Variants in C12orf42 observed in about 807,000 individuals in gnomAD.
The protein encoded by C12orf42 is chromosome 12 open reading frame 42.
C12orf42 carries 25 observed loss-of-function variants against 21.6 expected under a neutral mutation model. That is an observed-to-expected ratio of 1.16 (90% confidence interval 0.84 to 1.62). The LOEUF (loss-of-function observed/expected upper bound fraction) is 1.62. C12orf42 is among the 40% of genes most tolerant of loss of function. The probability of loss-of-function intolerance (pLI) is 0.00; values close to 1 mark genes in which losing one functional copy is unlikely to be tolerated. For synonymous variants in C12orf42, 174 were observed against 175.0 expected, an observed-to-expected ratio of 0.99 and a Z score of 0.05; for missense variants, 483 against 459.3, an observed-to-expected ratio of 1.05 and a Z score of -0.47.
chr12:103,078,911 T>A, the C12orf42 span, among the ~76,000 whole-genome samples: 1 of 152,190 alleles, frequency 6.6e-6, no homozygotes, highest in Non-Finnish European at 1.5e-5. Context: ...TACTGCACAC[T>A]AAACCACACC....
intron 4 of C12orf42, among the ~76,000 whole-genome samples, chr12:103,307,843 G>A (rs879018709): frequency 6.6e-6 from 1 of 152,130 alleles, no homozygotes; most frequent in East Asian, 1.9e-4. Flanking sequence ...TTTGGGGAGA[G>A]GGGTGCTGTG....
the C12orf42 span, among the ~76,000 whole-genome samples, chr12:103,153,700 T>A: frequency 6.6e-6 from 1 of 152,070 alleles, no homozygotes; most frequent in Non-Finnish European, 1.5e-5. Flanking sequence ...TCTAATACAC[T>A]AATGGCAGGA....
At chr12:103,325,908 A>G (rs2040639687) in intron 4 of C12orf42, among the ~76,000 whole-genome samples, 1 of 152,232 alleles carries the variant, frequency 6.6e-6, no homozygotes, top group Admixed American at 6.5e-5. Flanking sequence ...ATGGAGAATG[A>G]GCATCAGAGA....
At chr12:103,560,506 C>T in the C12orf42 span, among the ~76,000 whole-genome samples, 2 of 152,232 alleles carry the variant, frequency 1.3e-5, no homozygotes, top group Admixed American at 6.5e-5. Flanking sequence ...TCCCTGGATT[C>T]ACTTCAGAAC....
chr12:103,340,656 A>T (rs1324554239), intron 4 of C12orf42, among the ~76,000 whole-genome samples: 1 of 150,224 alleles, frequency 6.7e-6, no homozygotes, highest in Non-Finnish European at 1.5e-5. Flanking sequence ...ACATTAAAAC[A>T]GTTATAACTC....
chr12:103,393,505 C>T, intron 3 of C12orf42, among the ~76,000 whole-genome samples: 1 of 152,172 alleles, frequency 6.6e-6, no homozygotes, highest in East Asian at 1.9e-4. Context: ...GACATCCAAA[C>T]TATACTAGCT....
chr12:103,185,881 A>G, the C12orf42 span, among the ~76,000 whole-genome samples: 1,663 of 152,186 alleles, frequency 0.011, 27 homozygotes, highest in African/African-American at 0.037. Context: ...TTTTCTTTCC[A>G]GTTTCGGGTA....
chr12:103,099,887 T>A, the C12orf42 span, among the ~76,000 whole-genome samples: 8 of 152,206 alleles, frequency 5.3e-5, no homozygotes, highest in East Asian at 1.2e-3. Context: ...TAAGAGAACA[T>A]GCATCTCTTG....
intron 4 of C12orf42, among the ~76,000 whole-genome samples, chr12:103,280,235 A>C (rs773671961): frequency 2.6e-5 from 4 of 152,184 alleles, no homozygotes; most frequent in Non-Finnish European, 5.9e-5. Flanking sequence ...TATAGATTGT[A>C]GTAGTGGAGC....
chr12:103,286,824 C>A (rs1022937390), intron 4 of C12orf42, among the ~76,000 whole-genome samples: 15 of 151,870 alleles, frequency 9.9e-5, no homozygotes, highest in Non-Finnish European at 2.1e-4. Context: ...TGAAAGCACT[C>A]TAAACAGGAA....
At chr12:103,112,836 T>A in the C12orf42 span, among the ~76,000 whole-genome samples, 10 of 152,294 alleles carry the variant, frequency 6.6e-5, 1 homozygote, top group South Asian at 2.1e-3. Context: ...ATACTTCTCT[T>A]CTATTATCCC....
At chr12:103,115,516 T>C in the C12orf42 span, among the ~76,000 whole-genome samples, 9 of 152,182 alleles carry the variant, frequency 5.9e-5, no homozygotes. Flanking sequence ...ATGGAGAAGG[T>C]AGTAATTTAT....
chr12:103,454,459 A>G (rs1952155534), intron 2 of C12orf42, among the ~76,000 whole-genome samples: 1 of 152,050 alleles, frequency 6.6e-6, no homozygotes, highest in Non-Finnish European at 1.5e-5. Context: ...AAAGCATCCT[A>G]TTTCTCTTTT....
chr12:103,462,966 C>T (rs1213041139), intron 2 of C12orf42, among the ~76,000 whole-genome samples: 2 of 152,202 alleles, frequency 1.3e-5, no homozygotes, highest in African/African-American at 2.4e-5. Context: ...GTGTCACTTG[C>T]TATCTTTGTG....
At chr12:103,456,257 A>C (rs1952286832) in intron 2 of C12orf42, 1 of 152,118 alleles carries the variant, frequency 6.6e-6, no homozygotes, top group Non-Finnish European at 1.5e-5. Context: ...TTATCTCAGA[A>C]TGTTGCATTT....
the C12orf42 span, among the ~76,000 whole-genome samples, chr12:103,121,936 C>T: frequency 6.6e-6 from 1 of 152,110 alleles, no homozygotes; most frequent in East Asian, 1.9e-4. Context: ...CTGATTTTTT[C>T]TTATGTGAAA....
intron 3 of C12orf42, among the ~76,000 whole-genome samples, chr12:103,390,538 G>A (rs2046985252): frequency 6.6e-6 from 1 of 152,086 alleles, no homozygotes; most frequent in Non-Finnish European, 1.5e-5. Context: ...ACTACATGTG[G>A]TAATCAGGGT....
chr12:103,067,661 T>TTAAG, the C12orf42 span, among the ~76,000 whole-genome samples: 1 of 152,182 alleles, frequency 6.6e-6, no homozygotes. Flanking sequence ...TCCCTCAGCA[T>TTAAG]TAAGTTCCTG....
intron 1 of C12orf42, among the ~76,000 whole-genome samples, chr12:103,494,463 C>CT (rs1350505253): frequency 6.6e-6 from 1 of 151,976 alleles, no homozygotes; most frequent in African/African-American, 2.4e-5. Context: ...CTCTCCATTC[C>CT]TTTTTTTAAG....
Sources: gnomAD v4.1 joint callset for allele counts (sites outside exome capture counted in the v4.1 genomes callset) on GRCh38, gnomAD v4.1.1 for gene constraint, MANE v1.5 for transcripts, NCBI Gene and HGNC (gene_info 2026-07-23, HGNC 2026-07-21) for gene names.